PCDH7: variants seen among roughly 807,000 people sequenced by gnomAD.
PCDH7 encodes the protein protocadherin 7, also known as protocadherin-7.
In PCDH7, 17 loss-of-function variants were observed where a neutral mutation model predicts 58.9. The observed-to-expected ratio is 0.29, with a 90% CI of 0.20 to 0.43. The LOEUF is 0.43. PCDH7 is among the 20% of genes least tolerant of loss of function. The pLI, the probability that PCDH7 is intolerant of heterozygous loss-of-function variation, is 1.00. For missense variants in PCDH7, 1,274 were observed against 1,441.0 expected (o/e 0.88, Z 1.88); for synonymous variants, 664 against 616.4 (o/e 1.08, Z -1.14).
chr4:31,131,447 A>T (rs2109336753), intron 3 of PCDH7, among the ~76,000 whole-genome samples: 1 of 152,062 alleles, frequency 6.6e-6, no homozygotes, highest in Non-Finnish European at 1.5e-5. Flanking sequence ...CCTAATTGTG[A>T]TTGCCAATTT....
chr4:30,725,214 T>A (rs1165377602), intron 1 of PCDH7: 1 of 996,140 alleles, frequency 1.0e-6, no homozygotes, highest in Non-Finnish European at 1.2e-6. Context: ...CAATCTTTTA[T>A]ATCTATAATA....
intron 3 of PCDH7, among the ~76,000 whole-genome samples, chr4:30,975,951 G>T (rs1486878518): frequency 1.3e-5 from 2 of 152,032 alleles, no homozygotes; most frequent in Non-Finnish European, 2.9e-5. Context: ...GCCTGCTCAG[G>T]TGAACATTTG....
At chr4:30,778,887 A>G (rs571425849) in intron 1 of PCDH7, among the ~76,000 whole-genome samples, 3 of 152,018 alleles carry the variant, frequency 2.0e-5, no homozygotes, top group African/African-American at 7.2e-5. Flanking sequence ...TTTGCTTTCA[A>G]TCTAAGGTCT....
At chr4:31,054,543 C>T (rs1757001995) in intron 3 of PCDH7, among the ~76,000 whole-genome samples, 2 of 152,152 alleles carry the variant, frequency 1.3e-5, no homozygotes, top group South Asian at 4.1e-4. Flanking sequence ...AGAGATACTG[C>T]TTTTTGAACA....
chr4:30,888,031 A>G (rs1738068866), intron 1 of PCDH7, among the ~76,000 whole-genome samples: 1 of 151,940 alleles, frequency 6.6e-6, no homozygotes, highest in Non-Finnish European at 1.5e-5. Context: ...ATGAGCCACC[A>G]AGCCCGACTA....
chr4:30,875,072 A>T (rs1375042356), intron 1 of PCDH7, among the ~76,000 whole-genome samples: 1 of 152,060 alleles, frequency 6.6e-6, no homozygotes, highest in Non-Finnish European at 1.5e-5. Context: ...GTTTGCTAGC[A>T]CTGTTATAAC....
chr4:30,778,573 C>T (rs1722369154), intron 1 of PCDH7, among the ~76,000 whole-genome samples: 1 of 152,114 alleles, frequency 6.6e-6, no homozygotes, highest in Admixed American at 6.5e-5. Flanking sequence ...ATTCATCTCA[C>T]ATCACACAGA....
chr4:30,968,807 A>T (rs1267542921), intron 3 of PCDH7, among the ~76,000 whole-genome samples: 1 of 152,124 alleles, frequency 6.6e-6, no homozygotes. Context: ...GTGGCATAGG[A>T]TGCTCTATAG....
rs1293828822 is a variant in PCDH7, at chr4:30,724,978, TAC to T, written c.3174+384_3174+385del. ...CTTCTGTGGCAACTAAGTGGATAAT[TAC>T]ATCCAGAGAAAAAGTTTCTAAAGTT... On this transcript the variant is annotated intron_variant, in intron 1 of 1. Transcript: ENST00000361762. 6.8e-6 allele frequency: 7 copies of T among 1,024,808 alleles called. No homozygotes were observed. In the African/African-American group the frequency reaches 1.2e-4, roughly 18 times the overall value. The allele number at this position is 1,024,808 out of a possible 1,614,324, so 63.5% of individuals were successfully genotyped here.
At chr4:30,863,282 A>G (rs1024922070) in intron 1 of PCDH7, among the ~76,000 whole-genome samples, 1 of 152,052 alleles carries the variant, frequency 6.6e-6, no homozygotes, top group South Asian at 2.1e-4. Context: ...GTAATCTCAA[A>G]CCACTGAATG....
chr4:30,740,842 T>A (rs1473899880), intron 1 of PCDH7, among the ~76,000 whole-genome samples: 1 of 151,608 alleles, frequency 6.6e-6, no homozygotes, highest in Non-Finnish European at 1.5e-5. Context: ...ATCATTTTAC[T>A]TCTTATTAAA....
chr4:30,885,515 A>G (rs540914914), intron 1 of PCDH7, among the ~76,000 whole-genome samples: 1 of 152,232 alleles, frequency 6.6e-6, no homozygotes, highest in East Asian at 1.9e-4. Context: ...TTCTCACGAT[A>G]CTGTCTCTCT....
At chr4:30,924,351 C>T (rs770732929) in intron 2 of PCDH7, among the ~76,000 whole-genome samples, 17 of 152,154 alleles carry the variant, frequency 1.1e-4, no homozygotes, top group Non-Finnish European at 2.4e-4. Context: ...AAATCTTACT[C>T]GGTTCCAGGT....
intron 1 of PCDH7, among the ~76,000 whole-genome samples, chr4:30,887,070 T>G (rs545538466): frequency 0.013 from 2,014 of 151,178 alleles, 17 homozygotes; most frequent in Non-Finnish European, 0.021. Context: ...GCATGGCACA[T>G]GTATACATAT....
intron 1 of PCDH7, among the ~76,000 whole-genome samples, chr4:30,817,585 C>A (rs558387106): frequency 2.6e-5 from 4 of 152,028 alleles, no homozygotes; most frequent in African/African-American, 9.6e-5. Context: ...TGTTGAAGAA[C>A]ATGCAGTTTT....
At chr4:30,765,569 A>C (rs1720637505) in intron 1 of PCDH7, among the ~76,000 whole-genome samples, 1 of 152,220 alleles carries the variant, frequency 6.6e-6, no homozygotes, top group Non-Finnish European at 1.5e-5. Context: ...TGGAGTAGAC[A>C]GATAATCTAT....
At chr4:30,743,275 A>G (rs1317400611) in intron 1 of PCDH7, among the ~76,000 whole-genome samples, 2 of 152,198 alleles carry the variant, frequency 1.3e-5, no homozygotes, top group African/African-American at 2.4e-5. Context: ...TCTGTGGAGG[A>G]GAATTGAAGA....
In PCDH7 at chr4:30,920,568, A is replaced by AT. The variant is rs1743066110; in HGVS notation, c.287+200dup. On this transcript the variant is annotated intron_variant, in intron 2 of 3. Transcript: ENST00000509759. ...AGATAAAATTCACCCAAATTGCACC[A>AT]TCATTTTAAAACATCCTGTCAGAAA... Among the ~76,000 whole-genome samples the AT allele has an allele frequency of 4.6e-5, 7 of 152,330 alleles. No homozygotes were observed. In the South Asian group the frequency reaches 1.4e-3, roughly 32 times the overall value.
chr4:30,890,030 G>T (rs946669574), intron 1 of PCDH7, among the ~76,000 whole-genome samples: 2 of 152,098 alleles, frequency 1.3e-5, no homozygotes, highest in Non-Finnish European at 2.9e-5. Flanking sequence ...CAGGGATTAT[G>T]GTCAGTTCGG....
Sources: gnomAD v4.1 joint callset for allele counts (sites outside exome capture counted in the v4.1 genomes callset) on GRCh38, gnomAD v4.1.1 for gene constraint, MANE v1.5 for transcripts, NCBI Gene and HGNC (gene_info 2026-07-23, HGNC 2026-07-21) for gene names.